The following PPT1 variants were observed in gnomAD, a reference collection of about 807,000 sequenced individuals.
PPT1 encodes the protein ceroid-palmitoyl-palmitoyl-protein thioesterase 1.
Under a neutral mutation model 44.0 loss-of-function variants are expected in PPT1, and 24 were observed. The observed-to-expected ratio is 0.54, with a 90% CI of 0.39 to 0.77. The LOEUF (loss-of-function observed/expected upper bound fraction) is 0.77. Among genes scored for constraint, PPT1 ranks in the 30% least tolerant of loss-of-function variants. The pLI, the probability that PPT1 is intolerant of heterozygous loss-of-function variation, is 0.00. For synonymous variants in PPT1, 148 were observed against 140.2 expected, an observed-to-expected ratio of 1.06 and a Z score of -0.39; for missense variants, 341 against 378.8, an observed-to-expected ratio of 0.90 and a Z score of 0.83.
In PPT1 at chr1:40,080,335, T is replaced by A. The variant is rs1252360882; in HGVS notation, c.627+62A>T. On this transcript the variant is annotated intron_variant, in intron 6 of 8. Coordinates refer to ENST00000642050, the MANE Select transcript of PPT1 (RefSeq NM_000310.4). Reference sequence around the variant, plus strand: ...TGGGTAAACAGTCACTGCTGATTTGTTTATGAAGACCTAAACAGGAAAAAG... The same window carrying A: ...TGGGTAAACAGTCACTGCTGATTTGATTATGAAGACCTAAACAGGAAAAAG... The A allele has an allele frequency of 7.3e-6, 11 of 1,513,960 alleles. 1 individual carries two copies. In the East Asian group the frequency reaches 2.3e-4, roughly 31 times the overall value. The allele number at this position is 1,513,960 out of a possible 1,614,324, so 93.8% of individuals were successfully genotyped here. A position where few individuals can be genotyped will look rare whatever the true frequency, so the allele number is the denominator to read the frequency against.
At position 40,073,816 on chromosome 1, in the gene PPT1, A is replaced by C; in HGVS notation, c.*245T>G. The C allele has an allele frequency of 2.4e-5, 13 of 549,656 alleles. No homozygotes were observed. The allele number at this position is 549,656 out of a possible 1,614,324, so 34.0% of individuals were successfully genotyped here. A position where few individuals can be genotyped will look rare whatever the true frequency, so the allele number is the denominator to read the frequency against. The stretch of plus-strand genomic sequence containing the variant: ...ACTCCCTTTTCTAAAACTGAACTTG[A>C]CCACATCAAAAGTTTGTAAAACAAT... On this transcript the variant is annotated 3_prime_UTR_variant, in exon 9 of 9. Coordinates refer to ENST00000642050, the MANE Select transcript of PPT1 (RefSeq NM_000310.4).
downstream of PPT1, chr1:40,072,292 C>T: frequency 2.6e-6 from 1 of 379,974 alleles, no homozygotes; most frequent in Admixed American, 4.5e-5. Flanking sequence ...TTCAAGGAGT[C>T]TGGCATTCCT....
At chr1:40,079,278 T>C (rs1014455406) in intron 6 of PPT1, among the ~76,000 whole-genome samples, 1 of 152,166 alleles carries the variant, frequency 6.6e-6, no homozygotes, top group East Asian at 1.9e-4. Context: ...ATGTCTTTGC[T>C]ATGGTGAACA....
intron 6 of PPT1, 54 bp downstream of exon 6, chr1:40,080,343 G>A: frequency 1.3e-6 from 2 of 1,511,054 alleles, no homozygotes; most frequent in South Asian, 1.1e-5. Context: ...TGTTTATGAA[G>A]ACCTAAACAG....
intron 8 of PPT1, chr1:40,076,557 C>T: frequency 2.1e-6 from 2 of 966,908 alleles, no homozygotes; most frequent in Non-Finnish European, 1.2e-6. Flanking sequence ...GTTTTAAAAC[C>T]TTTTTATCAA....
At chr1:40,090,480 ATG>A (rs751035255) in intron 4 of PPT1, among the ~76,000 whole-genome samples, 8 of 151,966 alleles carry the variant, frequency 5.3e-5, no homozygotes, top group Admixed American at 2.0e-4. Flanking sequence ...ATATGTGCAC[ATG>A]TGTGTGTGTA....
At chr1:40,096,999 G>A (rs1649891227) in intron 1 of PPT1, 116 bp downstream of exon 1, 2 of 1,570,960 alleles carry the variant, frequency 1.3e-6, no homozygotes, top group South Asian at 2.2e-5. Flanking sequence ...AAATGTCGAG[G>A]CAGCCGCGTG....
At chr1:40,094,048 T>C (rs1370500493) in intron 1 of PPT1, 5 of 678,270 alleles carry the variant, frequency 7.4e-6, no homozygotes, top group Admixed American at 2.5e-5. Flanking sequence ...AAAGCCCATA[T>C]AGGATAATTA....
At chr1:40,080,703 G>A (rs990329436) in intron 5 of PPT1, among the ~76,000 whole-genome samples, 1 of 152,120 alleles carries the variant, frequency 6.6e-6, no homozygotes, top group Non-Finnish European at 1.5e-5. Flanking sequence ...GTGAAACCCC[G>A]TCTCTACTAA....
downstream of PPT1, chr1:40,072,118 A>T (rs74068029): frequency 2.5e-6 from 1 of 400,172 alleles, no homozygotes; most frequent in African/African-American, 2.1e-5. Flanking sequence ...GTCTGCCTCA[A>T]CCGTGAGATA....
At chr1:40,096,060 C>T (rs1649824137) in intron 1 of PPT1, among the ~76,000 whole-genome samples, 2 of 152,200 alleles carry the variant, frequency 1.3e-5, no homozygotes, top group South Asian at 4.1e-4. Context: ...CATACTTCCA[C>T]ATCAGGGCTT....
intron 5 of PPT1, among the ~76,000 whole-genome samples, chr1:40,086,962 T>C (rs542319655): frequency 6.6e-6 from 1 of 152,206 alleles, no homozygotes; most frequent in African/African-American, 2.4e-5. Context: ...TAATCCTCCC[T>C]AATACCAGGG....
intron 5 of PPT1, among the ~76,000 whole-genome samples, chr1:40,080,914 C>T (rs1389545325): frequency 6.6e-6 from 1 of 152,120 alleles, no homozygotes. Context: ...AAGTCCCAGG[C>T]CTTACCCTTT....
chr1:40,082,652 T>C (rs3131657), intron 5 of PPT1, among the ~76,000 whole-genome samples: 84,838 of 151,984 alleles, frequency 0.56, 25,618 homozygotes, highest in Non-Finnish European at 0.68. Flanking sequence ...AGAAAAAAAG[T>C]GTGAAGCTAG....
rs891853528 is a variant in PPT1 at position 40,097,203 on chromosome 1, C to T, written c.36G>A (p.Val12=). The stretch of plus-strand genomic sequence containing the variant: ...AAGCGCAGGTCCATGGCAGGAGAGC[C>T]ACAGCCAAGAGCCACAGGCAGCCGG... ...ASPGCLWLLA[V]ALLPWTCASR... is the part of the protein sequence containing the mutation. The change falls in exon 1 of 9, where the codon GTG becomes GTA. Residue 12 remains valine, a synonymous_variant. Coordinates refer to ENST00000642050, the MANE Select transcript of PPT1 (RefSeq NM_000310.4). 2 of 1,614,072 alleles carry T rather than the reference C, an allele frequency of 1.2e-6. No individual in the cohort carries two copies. Among genetic ancestry groups the T allele is most frequent in the African/African-American group, 2.7e-5 (2 of 75,042 alleles).
At position 40,073,048 on chromosome 1, in the gene PPT1, C is replaced by T. The variant is rs1203178505; in HGVS notation, c.*1013G>A. 6.6e-6 allele frequency: 1 copy of T among 152,214 alleles called. No homozygotes were observed. Among genetic ancestry groups the T allele is most frequent in the East Asian group, 1.9e-4 (1 of 5,206 alleles). 9.4% of individuals were successfully genotyped at this position (152,214 alleles called of 1,614,324 possible). On this transcript the variant is annotated 3_prime_UTR_variant, in exon 9 of 9. Transcript: ENST00000642050. ...GAATTCTCAGGAGTCCTTAGACACT[C>T]TAATGTGGGTTGATCTCCAGAAGGA...
At chr1:40,081,923 T>C (rs1329875620) in intron 5 of PPT1, among the ~76,000 whole-genome samples, 1 of 152,196 alleles carries the variant, frequency 6.6e-6, no homozygotes, top group Non-Finnish European at 1.5e-5. Context: ...ACTTGTTGAA[T>C]GGCTTTGACC....
At chr1:40,089,358 G>C in intron 5 of PPT1, 52 bp downstream of exon 5, 1 of 1,379,052 alleles carries the variant, frequency 7.3e-7, no homozygotes, top group Non-Finnish European at 1.0e-6. Flanking sequence ...AAGTCAGCAT[G>C]ATATTTTCAC....
In PPT1 at chr1:40,074,141, C is replaced by T; in HGVS notation, c.841G>A (p.Val281Met). 6.2e-7 allele frequency: 1 copy of T among 1,614,196 alleles called. No individual in the cohort carries two copies. The highest frequency in any genetic ancestry group is 1.3e-5 in the African/African-American group (1 of 75,056). ...LKEMDNAGQL[V>M]FLATEGDHLQ... ...TGGTCCCCTTCTGTAGCCAGAAACA[C>T]TAGCTGTCCTGCATTGTCCATTTCC... The change falls in exon 9 of 9, where the codon GTG becomes ATG. Residue 281 changes from valine to methionine, a missense_variant. Transcript: ENST00000642050.
Sources: gnomAD v4.1 joint callset for allele counts (sites outside exome capture counted in the v4.1 genomes callset) on GRCh38, gnomAD v4.1.1 for gene constraint, MANE v1.5 for transcripts, NCBI Gene and HGNC (gene_info 2026-07-23, HGNC 2026-07-21) for gene names.